Variants in PIP5K1C observed in about 807,000 individuals in gnomAD.
PIP5K1C encodes the protein phosphatidylinositol-4-phosphate 5-kinase type 1 gamma.
In PIP5K1C, 45 loss-of-function variants were observed where a neutral mutation model predicts 80.1. The observed-to-expected ratio is 0.56, with a 90% confidence interval of 0.44 to 0.72. The LOEUF is 0.72. PIP5K1C is among the 30% of genes least tolerant of loss of function. The pLI is 0.00. For missense variants in PIP5K1C, 753 were observed against 954.6 expected (o/e 0.79, Z 2.78); for synonymous variants, 498 against 420.1 (o/e 1.19, Z -2.27).
At chr19:3,667,286 G>C in intron 2 of PIP5K1C, 36 bp downstream of exon 2, 1 of 1,598,388 alleles carries the variant, frequency 6.3e-7, no homozygotes, top group Middle Eastern at 1.7e-4. Context: ...GGTCAGGGTG[G>C]GGACCCCAGG....
Position 3,656,993 on chromosome 19 carries a change from G to A in PIP5K1C, c.469-436C>T, listed in dbSNP as rs539786961. Among the ~76,000 whole-genome samples the A allele has an allele frequency of 1.2e-4, 19 of 152,364 alleles. No individual in the cohort carries two copies. In the South Asian group the frequency reaches 2.7e-3, roughly 22 times the overall value. On this transcript the variant is annotated intron_variant, in intron 5 of 17. Transcript: ENST00000335312. ...GGCGACAGGCAGCTGGCATACCTGC[G>A]TATTTGCCCTTCTCTCCTTCCCACC... is the stretch of plus-strand genomic sequence containing the variant.
chr19:3,689,219 G>C (rs372651453), intron 1 of PIP5K1C, among the ~76,000 whole-genome samples: 1 of 152,054 alleles, frequency 6.6e-6, no homozygotes. Context: ...AAATAAAAAC[G>C]AACATACAAC....
Position 3,688,350 on chromosome 19 carries a change from C to A in PIP5K1C, c.94+11947G>T, listed in dbSNP as rs2145600102. On this transcript the variant is annotated intron_variant, in intron 1 of 17. Coordinates refer to ENST00000335312, the MANE Select transcript of PIP5K1C (RefSeq NM_012398.3). The surrounding 1 kb of genome is among the most constrained non-coding windows in gnomAD (Gnocchi z 5.3). ...AACAGAGCGGGGTGCCGCAGGGGAGCCCGCAGGAGCTCCTGTTCCTCACCT... is the reference window on the plus strand; with the variant it reads ...AACAGAGCGGGGTGCCGCAGGGGAGACCGCAGGAGCTCCTGTTCCTCACCT... Among the ~76,000 whole-genome samples the A allele has an allele frequency of 6.6e-6, 1 of 152,292 alleles. No homozygotes were observed. Among genetic ancestry groups the A allele is most frequent in the East Asian group, 1.9e-4 (1 of 5,156 alleles).
chr19:3,647,965 A>T (rs532071796), intron 9 of PIP5K1C, among the ~76,000 whole-genome samples: 1 of 152,052 alleles, frequency 6.6e-6, no homozygotes, highest in South Asian at 2.1e-4. Flanking sequence ...CAAATGAAAA[A>T]CCAAAAAACA....
rs368177454 is a variant in PIP5K1C, at chr19:3,658,705, G to C, written c.469-2148C>G. Among the ~76,000 whole-genome samples, 29 of 152,322 alleles carry C rather than the reference G, an allele frequency of 1.9e-4. 1 individual carries two copies. In the East Asian group the frequency reaches 4.4e-3, roughly 23 times the overall value. ...TGCTGCCTGTCCACGGTGGCAGGAGGGGGAGGCCGATCTCACCTGCAGAGC... is the reference window on the plus strand; with the variant it reads ...TGCTGCCTGTCCACGGTGGCAGGAGCGGGAGGCCGATCTCACCTGCAGAGC... On this transcript the variant is annotated intron_variant, in intron 5 of 17. Coordinates refer to ENST00000335312, the MANE Select transcript of PIP5K1C (RefSeq NM_012398.3).
At chr19:3,639,709 C>T (rs892357054) in intron 15 of PIP5K1C, among the ~76,000 whole-genome samples, 5 of 151,992 alleles carry the variant, frequency 3.3e-5, no homozygotes, top group East Asian at 1.9e-4. Context: ...GGATCACAGA[C>T]GGAAGCCTCC....
rs528090887 is a variant in PIP5K1C at position 3,688,639 on chromosome 19, T to A, written c.94+11658A>T. Among the ~76,000 whole-genome samples the A allele has an allele frequency of 6.6e-6, 1 of 152,078 alleles. No homozygotes were observed. Among genetic ancestry groups the A allele is most frequent in the South Asian group, 2.1e-4 (1 of 4,834 alleles). ...TGCCCCCCCAGGCATTGTCCTCAGG[T>A]GGTTTCGTGTCCCTCAGGGCTAGAG... is the stretch of plus-strand genomic sequence containing the variant. On this transcript the variant is annotated intron_variant, in intron 1 of 17. Coordinates refer to ENST00000335312, the MANE Select transcript of PIP5K1C (RefSeq NM_012398.3). This position sits in a 1 kb window ranked among gnomAD's most constrained non-coding sequence, Gnocchi z 5.3.
At chr19:3,677,102 A>G (rs1163679237) in intron 1 of PIP5K1C, among the ~76,000 whole-genome samples, 4 of 152,094 alleles carry the variant, frequency 2.6e-5, no homozygotes, top group African/African-American at 9.7e-5. Context: ...ATCCTGTCTT[A>G]AAATTAAAAT....
chr19:3,670,501 G>A (rs1176975649), intron 1 of PIP5K1C, among the ~76,000 whole-genome samples: 1 of 152,184 alleles, frequency 6.6e-6, no homozygotes, highest in Admixed American at 6.5e-5. Context: ...TCCGAGGTCG[G>A]TCGGGAGGGC....
In PIP5K1C at chr19:3,696,869, G is replaced by A. The variant is rs563422223; in HGVS notation, c.94+3428C>T. ...TGCGAGCAGAGGAGGGTCGGGACTC[G>A]GGCCGCTGGTTTTTAATGGGGTCCT... On this transcript the variant is annotated intron_variant, in intron 1 of 17. Coordinates refer to ENST00000335312, the MANE Select transcript of PIP5K1C (RefSeq NM_012398.3). The surrounding 1 kb of genome is among the most constrained non-coding windows in gnomAD (Gnocchi z 4.1). 9.2e-5 allele frequency among the ~76,000 whole-genome samples: 14 copies of A among 152,296 alleles called. No individual in the cohort carries two copies. Among genetic ancestry groups the A allele is most frequent in the South Asian group, 6.2e-4 (3 of 4,822 alleles).
At chr19:3,678,106 T>G (rs1301359624) in intron 1 of PIP5K1C, among the ~76,000 whole-genome samples, 52 of 62,238 alleles carry the variant, frequency 8.4e-4, no homozygotes, top group Admixed American at 1.3e-3. Context: ...GGAGGGAGAA[T>G]GGAGGGATGG....
intron 2 of PIP5K1C, among the ~76,000 whole-genome samples, chr19:3,666,782 TGC>T (rs2035026621): frequency 6.6e-6 from 1 of 150,456 alleles, no homozygotes; most frequent in Non-Finnish European, 1.5e-5. Context: ...CAGGCAAACA[TGC>T]ACACACACAA....
rs570747394 is a variant in PIP5K1C, at chr19:3,651,855, C to T, written c.1098G>A (p.Ala366=). ...CATCCGATTCGATGGCCTCCCCGCG[C>T]GCGGCGCCACCCTGGATGGACTCCA... The part of the protein sequence containing the change: ...TAMESIQGGA[A]RGEAIESDDT... The change falls in exon 8 of 18, where the codon GCG becomes GCA. Residue 366 remains alanine (A), a synonymous_variant. Coordinates refer to ENST00000335312, the MANE Select transcript of PIP5K1C (RefSeq NM_012398.3). The T allele has an allele frequency of 6.4e-5, 104 of 1,612,402 alleles. 1 individual carries two copies. In the South Asian group the frequency reaches 7.1e-4, roughly 11 times the overall value.
chr19:3,651,788 G>A (rs374159443), intron 8 of PIP5K1C, 38 bp downstream of exon 8: 148 of 1,588,312 alleles, frequency 9.3e-5, no homozygotes, highest in Non-Finnish European at 2.3e-5. Flanking sequence ...TGTGGGGAAG[G>A]GAAGCGGGAC....
chr19:3,689,910 G>A (rs951525365), intron 1 of PIP5K1C, among the ~76,000 whole-genome samples: 3 of 152,158 alleles, frequency 2.0e-5, no homozygotes, highest in Non-Finnish European at 2.9e-5. Flanking sequence ...TGTGCGGGCT[G>A]TACAGGTCTT....
intron 1 of PIP5K1C, among the ~76,000 whole-genome samples, chr19:3,672,846 G>T (rs990763353): frequency 2.6e-5 from 4 of 151,954 alleles, no homozygotes; most frequent in African/African-American, 9.7e-5. Context: ...TAGAACCAAG[G>T]TCCAGACCCC....
rs2035848806 is a variant in PIP5K1C, at chr19:3,688,678, C to T, written c.94+11619G>A. On this transcript the variant is annotated intron_variant, in intron 1 of 17. Transcript: ENST00000335312. This position sits in a 1 kb window ranked among gnomAD's most constrained non-coding sequence, Gnocchi z 5.3. ...TCAGGGCTAGAGACCCGGATGAGCC[C>T]CATGGAGAAACCCGTAGTGAGAGAA... Among the ~76,000 whole-genome samples the T allele has an allele frequency of 6.6e-6, 1 of 152,056 alleles. No individual in the cohort carries two copies. Among genetic ancestry groups the T allele is most frequent in the Non-Finnish European group, 1.5e-5 (1 of 67,990 alleles).
chr19:3,696,503 G>T lies in PIP5K1C; in HGVS notation c.94+3794C>A, dbSNP rs1600102391. Among the ~76,000 whole-genome samples the T allele has an allele frequency of 2.6e-5, 4 of 151,810 alleles. No individual in the cohort carries two copies. The South Asian group carries it at 8.3e-4, about 32-fold the overall frequency. Reference sequence around the variant, plus strand: ...GACGGAGAAGGGGAGACCGCTGTGTGGTGACAGCAGGGCAGGGAGGCCTCA... The same window carrying T: ...GACGGAGAAGGGGAGACCGCTGTGTTGTGACAGCAGGGCAGGGAGGCCTCA... On this transcript the variant is annotated intron_variant, in intron 1 of 17. Transcript: ENST00000335312. This position sits in a 1 kb window ranked among gnomAD's most constrained non-coding sequence, Gnocchi z 4.1.
Position 3,656,362 on chromosome 19 carries a change from G to C in PIP5K1C, c.621+43C>G, listed in dbSNP as rs1471623544. 1.9e-6 allele frequency: 3 copies of C among 1,609,482 alleles called. No individual in the cohort carries two copies. The Admixed American group carries it at 5.0e-5, about 27-fold the overall frequency. On this transcript the variant is annotated intron_variant, in intron 6 of 17. Transcript: ENST00000335312. ...CTGCTCCCGCCAGCCGGGAGAAGGG[G>C]GTTGACCGAGGAGCCATCTGCCCCG...
Sources: allele counts gnomAD v4.1 joint callset (sites outside exome capture counted in the v4.1 genomes callset), GRCh38; gene constraint gnomAD v4.1.1; non-coding constraint Gnocchi (gnomAD v3.1); transcripts MANE v1.5; gene names NCBI Gene and HGNC (gene_info 2026-07-23, HGNC 2026-07-21).